WDR7: variants seen among roughly 807,000 people sequenced by gnomAD.
The protein encoded by WDR7 is WD repeat domain 7, also known as WD repeat-containing protein 7.
In WDR7, 46 loss-of-function variants were observed where a neutral mutation model predicts 169.4. The ratio of observed to expected loss-of-function variants is 0.27; its 90% CI spans 0.21 to 0.35. WDR7 has a LOEUF of 0.35. WDR7 is among the 10% of genes least tolerant of loss of function. The pLI, the probability that WDR7 is intolerant of heterozygous loss-of-function variation, is 1.00. For missense variants in WDR7, 1,534 were observed against 1,859.3 expected (o/e 0.83, Z 3.22); for synonymous variants, 612 against 666.8 (o/e 0.92, Z 1.27).
intron 4 of WDR7, 105 bp from the exon 5 acceptor site, chr18:56,682,574 A>T: frequency 7.8e-7 from 1 of 1,282,936 alleles, no homozygotes; most frequent in Non-Finnish European, 1.1e-6. Flanking sequence ...GAAGAAGTTG[A>T]GCTTTAGGAG....
chr18:56,939,181 GTTTTTA>G (rs2047001232), intron 24 of WDR7, 124 bp from the exon 25 acceptor site: 1 of 584,434 alleles, frequency 1.7e-6, no homozygotes, highest in African/African-American at 1.9e-5. Flanking sequence ...AATTGCTTTT[GTTTTTA>G]TTTTAAATAC....
intron 21 of WDR7, among the ~76,000 whole-genome samples, chr18:56,882,007 C>G (rs112623303): frequency 4.6e-5 from 7 of 152,326 alleles, no homozygotes; most frequent in African/African-American, 1.7e-4. Flanking sequence ...AACTTGAACT[C>G]AAGTGTCTTG....
intron 1 of WDR7, among the ~76,000 whole-genome samples, chr18:56,657,939 T>C (rs906969668): frequency 2.6e-5 from 4 of 152,212 alleles, no homozygotes; most frequent in Non-Finnish European, 5.9e-5. Context: ...AGGGGTTTTT[T>C]TTTTTGGCTG....
At chr18:56,811,182 A>G (rs1472056954) in intron 19 of WDR7, among the ~76,000 whole-genome samples, 1 of 152,172 alleles carries the variant, frequency 6.6e-6, no homozygotes, top group Non-Finnish European at 1.5e-5. Flanking sequence ...TCATCAGTTG[A>G]TGAACATTTG....
At chr18:56,954,903 T>C (rs527383179) in intron 25 of WDR7, among the ~76,000 whole-genome samples, 17 of 152,278 alleles carry the variant, frequency 1.1e-4, no homozygotes, top group African/African-American at 3.8e-4. Flanking sequence ...GCTTACCTTT[T>C]CTTAAACTTC....
chr18:56,887,895 C>T (rs975539729), intron 21 of WDR7, among the ~76,000 whole-genome samples: 8 of 152,080 alleles, frequency 5.3e-5, no homozygotes, highest in African/African-American at 1.9e-4. Context: ...TAATGTTAAC[C>T]TGCTGGAAGC....
At chr18:56,880,252 G>C in intron 21 of WDR7, 87 bp downstream of exon 21, 1 of 1,300,964 alleles carries the variant, frequency 7.7e-7, no homozygotes, top group Non-Finnish European at 1.1e-6. Flanking sequence ...ACTATATCCT[G>C]AGTTTTAGCT....
intron 14 of WDR7, among the ~76,000 whole-genome samples, chr18:56,755,151 G>A (rs9963412): frequency 0.25 from 37,287 of 149,620 alleles, 5,869 homozygotes; most frequent in African/African-American, 0.44. Flanking sequence ...GTTTGTATCT[G>A]TTACAACTCT....
chr18:56,819,808 T>C (rs533942381), intron 20 of WDR7, among the ~76,000 whole-genome samples: 145 of 152,276 alleles, frequency 9.5e-4, no homozygotes, highest in Non-Finnish European at 1.8e-3. Flanking sequence ...GATTCTAGAT[T>C]ATAATTTGAG....
At chr18:56,932,874 G>GGTGTGTGTGTGTGTGT (rs34838445) in intron 22 of WDR7, among the ~76,000 whole-genome samples, 47 of 131,988 alleles carry the variant, frequency 3.6e-4, no homozygotes, top group African/African-American at 1.5e-3. Flanking sequence ...CTTCATTCTG[G>GGTGTGTGTGTGTGTGT]GTGTGTGTGT....
rs914792206 is a variant in WDR7 at position 56,924,112 on chromosome 18, T to C, written c.3713+4T>C. ...ATGCCGAGAAACAACTTGCCAAGTA[T>C]GTGTGGATTCCGGTTAATTTAATTT... On this transcript the variant is annotated splice_donor_region_variant and intron_variant, in intron 22 of 27. Transcript: ENST00000254442. 6.2e-7 allele frequency: 1 copy of C among 1,611,300 alleles called. No homozygotes were observed. Among genetic ancestry groups the C allele is most frequent in the Non-Finnish European group, 8.5e-7 (1 of 1,179,324 alleles).
chr18:56,933,149 GA>G (rs1357054863), intron 22 of WDR7, among the ~76,000 whole-genome samples: 1 of 152,102 alleles, frequency 6.6e-6, no homozygotes, highest in East Asian at 1.9e-4. Context: ...AGCACCTAGG[GA>G]GAAGTATATC....
intron 1 of WDR7, among the ~76,000 whole-genome samples, chr18:56,667,658 C>T (rs976073226): frequency 6.6e-6 from 1 of 152,154 alleles, no homozygotes; most frequent in Non-Finnish European, 1.5e-5. Context: ...ACTTAGAAAG[C>T]TTTCAGTATT....
intron 12 of WDR7, among the ~76,000 whole-genome samples, chr18:56,702,149 G>A (rs540756755): frequency 2.9e-4 from 44 of 152,218 alleles, no homozygotes; most frequent in African/African-American, 9.9e-4. Flanking sequence ...GGAGTGCTGC[G>A]GCAGGAAACT....
At chr18:56,746,035 G>T (rs1214228817) in intron 14 of WDR7, among the ~76,000 whole-genome samples, 1 of 152,150 alleles carries the variant, frequency 6.6e-6, no homozygotes, top group East Asian at 1.9e-4. Flanking sequence ...TGTGAATCTT[G>T]TAAGATGATT....
chr18:56,959,450 C>CT (rs1176554419), intron 25 of WDR7, among the ~76,000 whole-genome samples: 1 of 152,138 alleles, frequency 6.6e-6, no homozygotes, highest in Non-Finnish European at 1.5e-5. Flanking sequence ...CTTTCACTGA[C>CT]TTGAGTGATG....
intron 23 of WDR7, 40 bp downstream of exon 23, chr18:56,935,945 G>A (rs2046955558): frequency 6.4e-7 from 1 of 1,556,706 alleles, no homozygotes; most frequent in East Asian, 2.2e-5. Flanking sequence ...TTCTCATTTA[G>A]AGGAATTATT....
Position 56,756,918 on chromosome 18 carries a change from A to T in WDR7, c.2325A>T (p.Glu775Asp). The change falls in exon 15 of 28, where the codon GAA becomes GAT. Residue 775 changes from glutamate to aspartate, a missense_variant. Coordinates refer to ENST00000254442, the MANE Select transcript of WDR7 (RefSeq NM_015285.3). ...DEEIMRQRRE[E>D]SDPEYRSSKS... Reference sequence around the variant, plus strand: ...AGATAATGAGGCAGAGAAGGGAAGAAAGTGATCCTGAATATCGGTCCAGCA... The same window carrying T: ...AGATAATGAGGCAGAGAAGGGAAGATAGTGATCCTGAATATCGGTCCAGCA... 6.2e-7 allele frequency: 1 copy of T among 1,614,148 alleles called. No individual in the cohort carries two copies. Among genetic ancestry groups the T allele is most frequent in the Non-Finnish European group, 8.5e-7 (1 of 1,180,006 alleles).
intron 21 of WDR7, among the ~76,000 whole-genome samples, chr18:56,901,965 T>C (rs2046408717): frequency 6.6e-6 from 1 of 152,138 alleles, no homozygotes; most frequent in South Asian, 2.1e-4. Flanking sequence ...CGAATACTAC[T>C]ATTGGCAAGT....
Sources: allele counts gnomAD v4.1 joint callset (sites outside exome capture counted in the v4.1 genomes callset), GRCh38; gene constraint gnomAD v4.1.1; transcripts MANE v1.5; gene names NCBI Gene and HGNC (gene_info 2026-07-23, HGNC 2026-07-21).